RGS22: variants seen among roughly 807,000 people sequenced by gnomAD.
RGS22 encodes the protein regulator of G protein signaling 22.
A neutral mutation model predicts 172.9 loss-of-function variants in RGS22; 148 were observed. The ratio of observed to expected loss-of-function variants is 0.86; its 90% CI spans 0.75 to 0.98. The LOEUF (loss-of-function observed/expected upper bound fraction) is 0.98, where lower values mean the gene tolerates loss of function less well. Among genes scored for constraint, RGS22 ranks in the 50% least tolerant of loss-of-function variants. The pLI, the probability that RGS22 is intolerant of heterozygous loss-of-function variation, is 0.00. For missense variants in RGS22, 1,347 were observed against 1,440.8 expected, an observed-to-expected ratio of 0.93 and a Z score of 1.05; for synonymous variants, 458 against 480.2, an observed-to-expected ratio of 0.95 and a Z score of 0.60.
intron 23 of RGS22, among the ~76,000 whole-genome samples, chr8:99,968,396 A>G (rs1406476991): frequency 1.3e-5 from 2 of 152,168 alleles, no homozygotes; most frequent in Non-Finnish European, 2.9e-5. Flanking sequence ...ACGAATTGAC[A>G]GAAATAGGCT....
At chr8:100,094,466 G>C (rs752301542) in intron 2 of RGS22, among the ~76,000 whole-genome samples, 34 of 152,118 alleles carry the variant, frequency 2.2e-4, no homozygotes, top group Non-Finnish European at 3.8e-4. Context: ...TTTGGAAAGT[G>C]GATTTTCAGG....
At chr8:99,990,767 C>G (rs148825002) in intron 20 of RGS22, among the ~76,000 whole-genome samples, 3 of 152,168 alleles carry the variant, frequency 2.0e-5, no homozygotes, top group African/African-American at 7.2e-5. Context: ...TCTCCCAGCA[C>G]GGCATTTGAG....
At chr8:100,080,453 A>G (rs1205416993) in intron 3 of RGS22, 98 bp from the exon 4 acceptor site, 7 of 785,172 alleles carry the variant, frequency 8.9e-6, no homozygotes, top group Admixed American at 5.5e-5. Context: ...TGCATACCTC[A>G]CAGAGTTCTG....
chr8:99,991,609 G>C (rs1362397721), intron 20 of RGS22, among the ~76,000 whole-genome samples: 1 of 152,154 alleles, frequency 6.6e-6, no homozygotes. Context: ...AGAAATATGG[G>C]ACTATGTGAA....
At position 99,981,986 on chromosome 8, in the gene RGS22, A is replaced by T. The variant is rs1204005607; in HGVS notation, c.3311T>A (p.Ile1104Asn). 3 of 1,613,840 alleles carry T rather than the reference A, an allele frequency of 1.9e-6. No homozygotes were observed. The highest frequency in any genetic ancestry group is 2.5e-6 in the Non-Finnish European group (3 of 1,179,934). Residue 1104 changes from isoleucine to asparagine, a missense_variant, in exon 22 of 28, where the codon ATT becomes AAT. Physicochemically the swap from Ile to Asn is moderately radical, Grantham distance 149. Transcript: ENST00000360863. Reference protein sequence around the residue: ...IDIPVEQAQKIIEHRKELGPY... With the variant: ...IDIPVEQAQKNIEHRKELGPY... The stretch of plus-strand genomic sequence containing the variant: ...TCCTAACTCCTTCCGGTGTTCAATA[A>T]TCTTCTGGGCTTGCTCTACTGGAAT...
intron 23 of RGS22, among the ~76,000 whole-genome samples, chr8:99,966,961 T>C (rs1810802035): frequency 6.6e-6 from 1 of 152,182 alleles, no homozygotes; most frequent in Non-Finnish European, 1.5e-5. Flanking sequence ...ACAGCTCCCG[T>C]CTGCAGCTCC....
chr8:100,003,509 C>T (rs1815342937), intron 17 of RGS22, among the ~76,000 whole-genome samples: 1 of 151,592 alleles, frequency 6.6e-6, no homozygotes, highest in South Asian at 2.1e-4. Context: ...GGTAAAACTA[C>T]AATGTTTCGT....
At chr8:100,024,464 AT>A (rs1817957555) in intron 14 of RGS22, among the ~76,000 whole-genome samples, 1 of 152,018 alleles carries the variant, frequency 6.6e-6, no homozygotes, top group Non-Finnish European at 1.5e-5. Flanking sequence ...GAGTTCATGA[AT>A]TTTTTCAATA....
At chr8:99,973,917 T>C (rs1396062450) in intron 23 of RGS22, among the ~76,000 whole-genome samples, 1 of 150,706 alleles carries the variant, frequency 6.6e-6, no homozygotes, top group Non-Finnish European at 1.5e-5. Context: ...GATGGGTTGA[T>C]GGGTGCAGCA....
At chr8:100,063,378 GT>G in intron 8 of RGS22, 37 bp downstream of exon 8, 3 of 1,406,454 alleles carry the variant, frequency 2.1e-6, no homozygotes, top group Non-Finnish European at 2.8e-6. Context: ...TTCATAATTT[GT>G]TTTTAAAACT....
At chr8:99,980,047 A>G (rs1812383534) in intron 22 of RGS22, among the ~76,000 whole-genome samples, 2 of 152,236 alleles carry the variant, frequency 1.3e-5, no homozygotes, top group South Asian at 4.1e-4. Flanking sequence ...AGAGATATCT[A>G]GGAGTATGGA....
chr8:100,027,644 G>A (rs542835540), intron 14 of RGS22, among the ~76,000 whole-genome samples: 21 of 152,058 alleles, frequency 1.4e-4, no homozygotes, highest in Admixed American at 2.6e-4. Flanking sequence ...CACCACATCC[G>A]GCTAATTTTT....
intron 3 of RGS22, among the ~76,000 whole-genome samples, chr8:100,088,639 A>G (rs147868870): frequency 1.3e-5 from 2 of 152,278 alleles, no homozygotes; most frequent in African/African-American, 4.8e-5. Flanking sequence ...AATAGCAGCA[A>G]CTGTCCTGAA....
chr8:99,975,935 A>T (rs1811878834), intron 23 of RGS22, among the ~76,000 whole-genome samples: 1 of 152,160 alleles, frequency 6.6e-6, no homozygotes, highest in Non-Finnish European at 1.5e-5. Context: ...CAAACCTGTA[A>T]TCCAAGCACT....
At chr8:100,063,312 C>A in intron 8 of RGS22, 104 bp downstream of exon 8, 2 of 745,308 alleles carry the variant, frequency 2.7e-6, no homozygotes, top group South Asian at 2.8e-5. Context: ...TAAAAAATTA[C>A]ATTTTTTAAA....
At chr8:100,053,651 T>G (rs1821937771) in intron 9 of RGS22, among the ~76,000 whole-genome samples, 2 of 152,200 alleles carry the variant, frequency 1.3e-5, no homozygotes, top group Non-Finnish European at 2.9e-5. Flanking sequence ...AACTTTTTTT[T>G]TTGACACGGA....
chr8:100,104,920 A>G (rs1368606062), intron 2 of RGS22, among the ~76,000 whole-genome samples: 1 of 152,204 alleles, frequency 6.6e-6, no homozygotes, highest in African/African-American at 2.4e-5. Flanking sequence ...TATTTAGCAA[A>G]TACTTTTATT....
intron 23 of RGS22, among the ~76,000 whole-genome samples, chr8:99,973,599 C>T (rs540331237): frequency 9.2e-5 from 14 of 152,024 alleles, no homozygotes; most frequent in East Asian, 3.9e-4. Flanking sequence ...GGCCAGGCAC[C>T]GTGGCTCATG....
intron 6 of RGS22, among the ~76,000 whole-genome samples, chr8:100,070,027 C>CAAAAAAA (rs777398611): frequency 8.8e-4 from 35 of 39,808 alleles, no homozygotes; most frequent in Non-Finnish European, 9.5e-4. Context: ...GACTCTGTCT[C>CAAAAAAA]AAAAAAAAAA....
Sources: allele counts gnomAD v4.1 joint callset (sites outside exome capture counted in the v4.1 genomes callset), GRCh38; gene constraint gnomAD v4.1.1; transcripts MANE v1.5; gene names NCBI Gene and HGNC (gene_info 2026-07-23, HGNC 2026-07-21).